Variants in ZNF536 observed in about 807,000 individuals in gnomAD.
ZNF536 encodes the protein zinc finger protein 536.
ZNF536 carries 13 observed loss-of-function variants against 84.5 expected under a neutral mutation model. The observed-to-expected ratio is 0.15, with a 90% confidence interval of 0.10 to 0.24. The LOEUF (loss-of-function observed/expected upper bound fraction) is 0.24, where lower values mean the gene tolerates loss of function less well. Ranked by LOEUF, ZNF536 falls within the 10% of genes least tolerant of loss-of-function variation. ZNF536 has a pLI of 1.00. For synonymous variants in ZNF536, 811 were observed against 742.5 expected (o/e 1.09, Z -1.50); for missense variants, 1,536 against 1,747.5 (o/e 0.88, Z 2.16).
At chr19:30,566,351 G>A (rs779365286) in intron 1 of ZNF536, among the ~76,000 whole-genome samples, 4 of 152,164 alleles carry the variant, frequency 2.6e-5, no homozygotes, top group Admixed American at 1.3e-4. Flanking sequence ...CTGGTCCTCC[G>A]AACTCACCCA....
chr19:30,243,056 C>G (rs888423419), intron 1 of ZNF536, among the ~76,000 whole-genome samples: 5 of 151,984 alleles, frequency 3.3e-5, no homozygotes, highest in Non-Finnish European at 7.4e-5. Context: ...ATTATGGAAA[C>G]AAATGTATGA....
intron 1 of ZNF536, among the ~76,000 whole-genome samples, chr19:30,442,550 G>A (rs1275961769): frequency 6.6e-6 from 1 of 152,074 alleles, no homozygotes; most frequent in African/African-American, 2.4e-5. Flanking sequence ...CCCAATCAAA[G>A]TCCCTGCTTT....
chr19:30,285,966 A>G (rs1421425194), intron 2 of ZNF536, among the ~76,000 whole-genome samples: 1 of 152,230 alleles, frequency 6.6e-6, no homozygotes. Flanking sequence ...TCAGAGTTCC[A>G]GAGTTCCATG....
chr19:30,706,337 G>A (rs2052225819), intron 1 of ZNF536, among the ~76,000 whole-genome samples: 1 of 152,024 alleles, frequency 6.6e-6, no homozygotes, highest in South Asian at 2.1e-4. Context: ...AATACAAAAA[G>A]TTAGCCGGTC....
intron 2 of ZNF536, among the ~76,000 whole-genome samples, chr19:30,293,569 G>A (rs1312168623): frequency 6.6e-6 from 1 of 152,120 alleles, no homozygotes; most frequent in Non-Finnish European, 1.5e-5. Flanking sequence ...TAGGCTTCAC[G>A]CGGCTGCAGT....
chr19:30,547,234 G>A (rs1413971554), intron 3 of ZNF536, among the ~76,000 whole-genome samples: 1 of 151,982 alleles, frequency 6.6e-6, no homozygotes, highest in African/African-American at 2.4e-5. Flanking sequence ...AAGTTTTATT[G>A]ACTGCTTTTT....
At chr19:30,680,010 AG>A (rs1303003743) in intron 1 of ZNF536, among the ~76,000 whole-genome samples, 1 of 143,754 alleles carries the variant, frequency 7.0e-6, no homozygotes, top group African/African-American at 2.5e-5. Context: ...AACCCAGGCC[AG>A]GGGAGGGAGG....
At chr19:30,539,433 A>T (rs112947778) in intron 3 of ZNF536, among the ~76,000 whole-genome samples, 1 of 152,202 alleles carries the variant, frequency 6.6e-6, no homozygotes, top group Admixed American at 6.5e-5. Context: ...TCAAACGTTC[A>T]TCTCATCCAG....
intron 1 of ZNF536, among the ~76,000 whole-genome samples, chr19:30,431,723 T>G (rs529589464): frequency 3.3e-5 from 5 of 152,176 alleles, no homozygotes; most frequent in Non-Finnish European, 1.5e-5. Context: ...GCCTGATGTC[T>G]ATTCCCTGGC....
chr19:30,333,324 G>A (rs997877022), intron 2 of ZNF536, among the ~76,000 whole-genome samples: 14 of 152,264 alleles, frequency 9.2e-5, no homozygotes, highest in Middle Eastern at 3.4e-3. Flanking sequence ...AGAGACGTCC[G>A]GGAGTTGCAA....
At chr19:30,477,822 C>A (rs1410334560) in intron 2 of ZNF536, among the ~76,000 whole-genome samples, 3 of 152,128 alleles carry the variant, frequency 2.0e-5, no homozygotes, top group African/African-American at 7.2e-5. Flanking sequence ...AAAAAGAAAA[C>A]CTGATTCTTT....
chr19:30,678,856 C>T (rs754299912), intron 1 of ZNF536, among the ~76,000 whole-genome samples: 6 of 151,872 alleles, frequency 4.0e-5, no homozygotes, highest in Non-Finnish European at 7.4e-5. Flanking sequence ...ACAGAAGGGT[C>T]GCTTGAGGTC....
intron 1 of ZNF536, among the ~76,000 whole-genome samples, chr19:30,413,607 AT>A (rs2050586890): frequency 1.3e-5 from 2 of 152,124 alleles, no homozygotes; most frequent in Non-Finnish European, 2.9e-5. Context: ...TTAAACATTT[AT>A]TTTTAAAGTC....
chr19:30,659,567 G>A (rs921589735), intron 1 of ZNF536, among the ~76,000 whole-genome samples: 1 of 152,188 alleles, frequency 6.6e-6, no homozygotes, highest in Non-Finnish European at 1.5e-5. Flanking sequence ...CATGGCTGGG[G>A]AGGCCTCACA....
At chr19:30,300,495 G>A (rs1024677394) in intron 2 of ZNF536, 4 of 152,086 alleles carry the variant, frequency 2.6e-5, no homozygotes, top group African/African-American at 7.2e-5. Context: ...AGCCAGCCTC[G>A]TTATGGAAAA....
chr19:30,511,975 G>C (rs545187628), intron 2 of ZNF536, among the ~76,000 whole-genome samples: 1 of 152,244 alleles, frequency 6.6e-6, no homozygotes, highest in East Asian at 1.9e-4. Context: ...GTCCTTGGAG[G>C]ATAATCCATA....
At chr19:30,598,933 CT>C (rs2047560587) in intron 1 of ZNF536, among the ~76,000 whole-genome samples, 2 of 130,398 alleles carry the variant, frequency 1.5e-5, no homozygotes, top group Admixed American at 7.8e-5. Flanking sequence ...CCCTTTCTCC[CT>C]CCCTCCCTCC....
chr19:30,706,128 G>T (rs2148036849), intron 1 of ZNF536, among the ~76,000 whole-genome samples: 1 of 152,268 alleles, frequency 6.6e-6, no homozygotes, highest in South Asian at 2.1e-4. Context: ...AGGGAGGGTG[G>T]CTTCCATGTA....
At chr19:30,231,065 C>T (rs1399433845) in intron 1 of ZNF536, among the ~76,000 whole-genome samples, 1 of 151,876 alleles carries the variant, frequency 6.6e-6, no homozygotes, top group East Asian at 1.9e-4. Context: ...AGCTTTTTAA[C>T]ATCTTTGGAT....
Sources: allele counts gnomAD v4.1 joint callset (sites outside exome capture counted in the v4.1 genomes callset), GRCh38; gene constraint gnomAD v4.1.1; transcripts MANE v1.5; gene names NCBI Gene and HGNC (gene_info 2026-07-23, HGNC 2026-07-21).